The following DMD variants were observed in gnomAD, a reference collection of about 807,000 sequenced individuals.
DMD encodes the protein mutant dystrophin.
Under a neutral mutation model 330.1 loss-of-function variants are expected in DMD, and 63 were observed. That is an observed-to-expected ratio of 0.19 (90% CI 0.16 to 0.24). The LOEUF (loss-of-function observed/expected upper bound fraction) is 0.24, where lower values mean the gene tolerates loss of function less well. Ranked by LOEUF, DMD falls within the 10% of genes least tolerant of loss-of-function variation. The probability of loss-of-function intolerance (pLI) is 1.00; values close to 1 mark genes in which losing one functional copy is unlikely to be tolerated. For missense variants in DMD, 3,344 were observed against 2,684.1 expected (o/e 1.25, Z -5.43); for synonymous variants, 1,223 against 959.8 (o/e 1.27, Z -5.07).
intron 56 of DMD, among the ~76,000 whole-genome samples, chrX:31,501,194 T>C (rs1229916503): frequency 8.9e-6 from 1 of 112,261 alleles, no homozygotes; most frequent in African/African-American, 3.2e-5. Flanking sequence ...TGTTTCTGTA[T>C]GTCACTTCCT....
At chrX:32,236,110 T>C (rs1347526630) in intron 43 of DMD, among the ~76,000 whole-genome samples, 2 of 112,085 alleles carry the variant, frequency 1.8e-5, no homozygotes, top group African/African-American at 6.5e-5. Context: ...ATGAAAATCT[T>C]ACATAATCAT....
chrX:32,581,365 T>C (rs978863590), intron 13 of DMD, among the ~76,000 whole-genome samples: 12 of 112,388 alleles, frequency 1.1e-4, no homozygotes, highest in African/African-American at 3.9e-4. Context: ...CTGGTTACTA[T>C]GTAGAAAAAC....
chrX:32,261,307 G>C (rs1414312938), intron 43 of DMD, among the ~76,000 whole-genome samples: 1 of 111,813 alleles, frequency 8.9e-6, no homozygotes, highest in East Asian at 2.8e-4. Context: ...ACAGTGATTT[G>C]GGTGGAGAGA....
intron 48 of DMD, among the ~76,000 whole-genome samples, chrX:31,854,833 T>G (rs2093588910): frequency 9.0e-6 from 1 of 111,588 alleles, no homozygotes; most frequent in African/African-American, 3.3e-5. Context: ...TAATTATTTC[T>G]TGTCGGGAGC....
At chrX:32,052,707 A>G (rs1482605119) in intron 44 of DMD, among the ~76,000 whole-genome samples, 1 of 111,385 alleles carries the variant, frequency 9.0e-6, no homozygotes, top group Non-Finnish European at 1.9e-5. Flanking sequence ...CTTGAAATTA[A>G]GTGGGAAGGT....
intron 45 of DMD, among the ~76,000 whole-genome samples, chrX:31,945,622 G>T (rs1306683638): frequency 8.9e-6 from 1 of 111,784 alleles, no homozygotes; most frequent in Non-Finnish European, 1.9e-5. Context: ...TGGTGTCATG[G>T]GTGACATCAA....
intron 5 of DMD, among the ~76,000 whole-genome samples, chrX:32,817,199 T>TA (rs1385153097): frequency 9.0e-6 from 1 of 111,287 alleles, no homozygotes; most frequent in Non-Finnish European, 1.9e-5. Flanking sequence ...CCTGATTTCA[T>TA]ACCATCATTT....
chrX:31,796,265 G>C (rs1272822640), intron 50 of DMD, among the ~76,000 whole-genome samples: 7 of 112,165 alleles, frequency 6.2e-5, no homozygotes. Context: ...CAAAATTGCA[G>C]TGCTAAATAA....
At chrX:33,229,839 A>G (rs1034113656) in intron 1 of DMD, among the ~76,000 whole-genome samples, 2 of 112,411 alleles carry the variant, frequency 1.8e-5, no homozygotes, top group African/African-American at 6.4e-5. Flanking sequence ...TTAAAACTAT[A>G]GATTAATTTG....
chrX:32,399,576 A>G (rs2098071220), intron 30 of DMD, among the ~76,000 whole-genome samples: 1 of 111,383 alleles, frequency 9.0e-6, no homozygotes. Context: ...TAAAACAAGC[A>G]ATAACAAATG....
At chrX:32,627,514 T>C (rs1176646463) in intron 11 of DMD, among the ~76,000 whole-genome samples, 1 of 96,396 alleles carries the variant, frequency 1.0e-5, no homozygotes, top group Non-Finnish European at 1.9e-5. Context: ...TTAATCCTAT[T>C]GATTCAGCAA....
intron 11 of DMD, among the ~76,000 whole-genome samples, chrX:32,622,729 G>A (rs1463640942): frequency 9.0e-6 from 1 of 111,483 alleles, no homozygotes; most frequent in Non-Finnish European, 1.9e-5. Context: ...CTTATGTTAT[G>A]TTTCTGGCTT....
rs1396764181 is a variant in DMD, at chrX:32,239,654, C to G, written c.6291-22591G>C. Among the ~76,000 whole-genome samples the G allele has an allele frequency of 3.6e-5, 4 of 111,852 alleles. No homozygotes were observed. In the South Asian group the frequency reaches 1.5e-3, roughly 42 times the overall value. On this transcript the variant is annotated intron_variant, in intron 43 of 78. Coordinates refer to ENST00000357033, the MANE Select transcript of DMD (RefSeq NM_004006.3). ...TATCACACAGAGTAGTTTCATTGCT[C>G]TAAAACTGCTATGCATACCATGTAT...
At chrX:32,484,650 T>A (rs1333436402) in intron 21 of DMD, among the ~76,000 whole-genome samples, 2 of 112,157 alleles carry the variant, frequency 1.8e-5, no homozygotes, top group East Asian at 2.8e-4. Flanking sequence ...ATTCAAAACA[T>A]CTGATTTTGA....
chrX:33,067,127 G>C (rs1224319074), intron 1 of DMD, among the ~76,000 whole-genome samples: 1 of 111,825 alleles, frequency 8.9e-6, no homozygotes, highest in Non-Finnish European at 1.9e-5. Flanking sequence ...GTGTCTGCAG[G>C]GAGTTTTTCA....
intron 33 of DMD, among the ~76,000 whole-genome samples, chrX:32,381,962 C>T (rs376308888): frequency 9.0e-6 from 1 of 110,697 alleles, no homozygotes; most frequent in African/African-American, 3.3e-5. Flanking sequence ...TTTTTCTCAA[C>T]ACATCTGTCA....
At chrX:33,019,080 A>G (rs1416339117) in intron 2 of DMD, among the ~76,000 whole-genome samples, 1 of 111,913 alleles carries the variant, frequency 8.9e-6, no homozygotes, top group East Asian at 2.8e-4. Context: ...ACGATATTCT[A>G]AAAATGTTTG....
chrX:31,298,198 G>C (rs1413705024), intron 62 of DMD, among the ~76,000 whole-genome samples: 2 of 111,374 alleles, frequency 1.8e-5, no homozygotes, highest in Admixed American at 1.9e-4. Flanking sequence ...TAACACTTCT[G>C]GGTTTGAGCT....
At chrX:32,229,263 TA>T (rs2097159102) in intron 43 of DMD, among the ~76,000 whole-genome samples, 1 of 110,575 alleles carries the variant, frequency 9.0e-6, no homozygotes, top group South Asian at 3.8e-4. Flanking sequence ...AGGAATGGAT[TA>T]ATAAATAACC....
Sources: gnomAD v4.1 joint callset for allele counts (sites outside exome capture counted in the v4.1 genomes callset) on GRCh38, gnomAD v4.1.1 for gene constraint, MANE v1.5 for transcripts, NCBI Gene and HGNC (gene_info 2026-07-23, HGNC 2026-07-21) for gene names.